The following TGS1 variants were observed in gnomAD, a reference collection of about 807,000 sequenced individuals.
TGS1 encodes trimethylguanosine synthase 1, also known as trimethylguanosine synthase.
TGS1 carries 69 observed loss-of-function variants against 92.2 expected under a neutral mutation model. The observed-to-expected ratio is 0.75, with a 90% CI of 0.62 to 0.91. TGS1 has a LOEUF of 0.91. TGS1 is among the 40% of genes least tolerant of loss of function. The pLI, the probability that TGS1 is intolerant of heterozygous loss-of-function variation, is 0.00. For synonymous variants in TGS1, 345 were observed against 338.1 expected, an observed-to-expected ratio of 1.02 and a Z score of -0.22; for missense variants, 1,062 against 1,001.2, an observed-to-expected ratio of 1.06 and a Z score of -0.82.
intron 4 of TGS1, among the ~76,000 whole-genome samples, chr8:55,788,679 G>T (rs1474198720): frequency 1.3e-5 from 2 of 151,878 alleles, no homozygotes; most frequent in Admixed American, 6.6e-5. Context: ...GGCCAGGCTG[G>T]TTTCAAACTC....
intron 6 of TGS1, 83 bp from the exon 7 acceptor site, chr8:55,795,895 A>G: frequency 1.9e-6 from 2 of 1,042,946 alleles, no homozygotes; most frequent in Non-Finnish European, 2.9e-6. Flanking sequence ...AATGAGTGAA[A>G]ATGTTAGTTT....
At chr8:55,818,950 T>G (rs912613141) in intron 12 of TGS1, among the ~76,000 whole-genome samples, 1 of 152,070 alleles carries the variant, frequency 6.6e-6, no homozygotes, top group Non-Finnish European at 1.5e-5. Flanking sequence ...TGGTGGGGTT[T>G]TTTTCTTCTT....
At chr8:55,814,803 A>G (rs1323017667) in intron 12 of TGS1, among the ~76,000 whole-genome samples, 2 of 149,516 alleles carry the variant, frequency 1.3e-5, no homozygotes, top group African/African-American at 2.5e-5. Context: ...GCGCCACTGC[A>G]CTCCAGCCTG....
At position 55,786,403 on chromosome 8, in the gene TGS1, T is replaced by G. The variant is rs1427285374; in HGVS notation, c.505T>G (p.Tyr169Asp). Residue 169 changes from tyrosine (Y) to aspartate (D), a missense_variant, in exon 4 of 13, where the codon TAT (tyrosine) becomes GAT (aspartate). Transcript: ENST00000260129. ...TGAACAGTATGAGAACACCAGAACA[T>G]ATGAACTTCAAAGCAAAAAAGATAC... ...SIEQYENTRT[Y>D]ELQSKKDTET... The G allele has an allele frequency of 1.9e-6, 3 of 1,613,582 alleles. No homozygotes were observed. Among genetic ancestry groups the G allele is most frequent in the South Asian group, 2.2e-5 (2 of 90,846 alleles).
intron 10 of TGS1, among the ~76,000 whole-genome samples, chr8:55,805,923 G>A (rs74961983): frequency 0.16 from 23,241 of 148,874 alleles, 2,158 homozygotes; most frequent in African/African-American, 0.26. Flanking sequence ...TTAGCCAGGC[G>A]TGGTGGTGTG....
Position 55,825,042 on chromosome 8 carries a change from C to T in TGS1, c.*339C>T, listed in dbSNP as rs76065526. On this transcript the variant is annotated 3_prime_UTR_variant, in exon 13 of 13. Coordinates refer to ENST00000260129, the MANE Select transcript of TGS1 (RefSeq NM_024831.8). ...GTTCAAGCAATCCTTCTGTCTCAGT[C>T]TCCTCAGTAGCTGGGGCTTTAGGTG... 2,053 of 192,230 alleles carry T rather than the reference C, an allele frequency of 0.011. 41 individuals are homozygous for T. Among genetic ancestry groups the T allele is most frequent in the African/African-American group, 0.047 (1,957 of 42,036 alleles). The allele number at this position is 192,230 out of a possible 1,614,324, so 11.9% of individuals were successfully genotyped here. A position where few individuals can be genotyped will look rare whatever the true frequency, so the allele number is the denominator to read the frequency against.
intron 5 of TGS1, among the ~76,000 whole-genome samples, chr8:55,790,965 C>A (rs1009024365): frequency 1.4e-5 from 1 of 69,464 alleles, no homozygotes; most frequent in Non-Finnish European, 2.8e-5. Flanking sequence ...AAATTCATAT[C>A]TTCTCTCTCT....
chr8:55,808,272 T>A (rs898805118), intron 10 of TGS1, among the ~76,000 whole-genome samples: 2 of 152,194 alleles, frequency 1.3e-5, no homozygotes, highest in Admixed American at 1.3e-4. Flanking sequence ...CTATTTACTA[T>A]CAAAGTTCTT....
intron 12 of TGS1, among the ~76,000 whole-genome samples, chr8:55,820,952 A>G (rs539976401): frequency 6.6e-6 from 1 of 152,348 alleles, no homozygotes; most frequent in South Asian, 2.1e-4. Context: ...AAATAAGGAC[A>G]GCTAGAAATT....
chr8:55,807,873 T>G (rs780815343), intron 10 of TGS1, among the ~76,000 whole-genome samples: 2 of 152,168 alleles, frequency 1.3e-5, no homozygotes, highest in Non-Finnish European at 2.9e-5. Flanking sequence ...AGATGCATAT[T>G]TTTAAATATC....
At chr8:55,803,270 A>G (rs1244670684) in intron 9 of TGS1, among the ~76,000 whole-genome samples, 2 of 152,228 alleles carry the variant, frequency 1.3e-5, no homozygotes, top group Non-Finnish European at 2.9e-5. Flanking sequence ...GTGCAGAAGG[A>G]TACAATTTAA....
chr8:55,787,905 G>T (rs534222922), intron 4 of TGS1, among the ~76,000 whole-genome samples: 2 of 152,208 alleles, frequency 1.3e-5, no homozygotes, highest in East Asian at 3.8e-4. Flanking sequence ...AAGAGAGAGG[G>T]GGGAGGTCCC....
chr8:55,822,716 G>A (rs555363647), intron 12 of TGS1, among the ~76,000 whole-genome samples: 22 of 151,482 alleles, frequency 1.5e-4, no homozygotes, highest in Non-Finnish European at 2.1e-4. Flanking sequence ...TAGTGGGGGG[G>A]GTGCTTTTAA....
At position 55,773,720 on chromosome 8, in the gene TGS1, G is replaced by A; in HGVS notation, c.101+1G>A. 6.2e-7 allele frequency: 1 copy of A among 1,605,876 alleles called. No individual in the cohort carries two copies. Among genetic ancestry groups the A allele is most frequent in the Non-Finnish European group, 8.5e-7 (1 of 1,174,878 alleles). ...GCCTTTGCTCCAGGGCATTTGTGGA[G>A]TAAGTAGAAAAGAGAATCTCTTCAT... is the stretch of plus-strand genomic sequence containing the variant. On this transcript the variant is annotated splice_donor_variant, in intron 1 of 12. Coordinates refer to ENST00000260129, the MANE Select transcript of TGS1 (RefSeq NM_024831.8). LOFTEE classifies it high-confidence loss of function.
In TGS1 at chr8:55,782,744, G is replaced by A. The variant is rs547837275; in HGVS notation, c.102-4G>A. 36 of 1,607,198 alleles carry A rather than the reference G, an allele frequency of 2.2e-5. No homozygotes were observed. The highest frequency in any genetic ancestry group is 3.3e-4 in the Middle Eastern group (2 of 6,030). On this transcript the variant is annotated splice_polypyrimidine_tract_variant and splice_region_variant and intron_variant, in intron 1 of 12. Coordinates refer to ENST00000260129, the MANE Select transcript of TGS1 (RefSeq NM_024831.8). Reference sequence around the variant, plus strand: ...CAATATGAACTGCTTAATCTGCTTCGCAGGGATCGAAAATTGTACAATTTG... The same window carrying A: ...CAATATGAACTGCTTAATCTGCTTCACAGGGATCGAAAATTGTACAATTTG...
chr8:55,808,818 G>A (rs992729334), intron 10 of TGS1, among the ~76,000 whole-genome samples: 1 of 151,876 alleles, frequency 6.6e-6, no homozygotes, highest in African/African-American at 2.4e-5. Flanking sequence ...CCTGTAGTGG[G>A]GTCCCATAAT....
rs202091137 is a variant in TGS1 at position 55,786,978 on chromosome 8, C to T, written c.1080C>T (p.Ser360=). Residue 360 remains serine, a synonymous_variant, in exon 4 of 13, where the codon TCC becomes TCT. Coordinates refer to ENST00000260129, the MANE Select transcript of TGS1 (RefSeq NM_024831.8). ...EVSSKRECPA[S]GQSEPRNGGT... Reference sequence around the variant, plus strand: ...GTAGCAAAAGAGAGTGCCCTGCTTCCGGCCAAAGTGAACCACGTAATGGAG... The same window carrying T: ...GTAGCAAAAGAGAGTGCCCTGCTTCTGGCCAAAGTGAACCACGTAATGGAG... 42 of 1,614,096 alleles carry T rather than the reference C, an allele frequency of 2.6e-5. No homozygotes were observed. The highest frequency in any genetic ancestry group is 1.6e-4 in the Middle Eastern group (1 of 6,062).
At chr8:55,787,706 G>A (rs1022531473) in intron 4 of TGS1, among the ~76,000 whole-genome samples, 1 of 152,224 alleles carries the variant, frequency 6.6e-6, no homozygotes, top group Non-Finnish European at 1.5e-5. Context: ...TGTTTACTTT[G>A]CATTGCTGTA....
intron 1 of TGS1, among the ~76,000 whole-genome samples, chr8:55,776,516 T>A (rs553654589): frequency 1.3e-5 from 2 of 152,246 alleles, no homozygotes; most frequent in South Asian, 2.1e-4. Context: ...TCCTGACCTC[T>A]GATCCACCCG....
Sources: gnomAD v4.1 joint callset for allele counts (sites outside exome capture counted in the v4.1 genomes callset) on GRCh38, gnomAD v4.1.1 for gene constraint, MANE v1.5 for transcripts, NCBI Gene and HGNC (gene_info 2026-07-23, HGNC 2026-07-21) for gene names.